The following ZHX3 variants were observed in gnomAD, a reference collection of about 807,000 sequenced individuals.
The protein encoded by ZHX3 is zinc fingers and homeoboxes protein 3.
A neutral mutation model predicts 64.5 loss-of-function variants in ZHX3; 20 were observed. That is an observed-to-expected ratio of 0.31 (90% CI 0.22 to 0.45). The LOEUF is 0.45. Ranked by LOEUF, ZHX3 falls within the 20% of genes least tolerant of loss-of-function variation. The probability of loss-of-function intolerance (pLI) is 1.00; values close to 1 mark genes in which losing one functional copy is unlikely to be tolerated. For synonymous variants in ZHX3, 423 were observed against 461.6 expected (o/e 0.92, Z 1.07); for missense variants, 1,041 against 1,195.8 (o/e 0.87, Z 1.91).
chr20:41,313,881 C>A (rs548264624), intron 1 of ZHX3, among the ~76,000 whole-genome samples: 1 of 152,298 alleles, frequency 6.6e-6, no homozygotes, highest in African/African-American at 2.4e-5. Flanking sequence ...CAGGCATGAG[C>A]CACCACGCCC....
chr20:41,183,794 C>T lies in ZHX3; in HGVS notation c.*1397G>A, dbSNP rs981103912. On this transcript the variant is annotated 3_prime_UTR_variant, in exon 4 of 4. Transcript: ENST00000683867. The surrounding 1 kb of genome is among the most constrained non-coding windows in gnomAD (Gnocchi z 5.3). ...TCTTTACCAGCTACTCTCAGAGCAA[C>T]CGGTCTTGGGGAAATTGAGGATTTA... is the stretch of plus-strand genomic sequence containing the variant. 2.0e-5 allele frequency: 3 copies of T among 152,204 alleles called. No individual in the cohort carries two copies. Among genetic ancestry groups the T allele is most frequent in the Non-Finnish European group, 2.9e-5 (2 of 68,036 alleles). The allele number at this position is 152,204 out of a possible 1,614,324, so 9.4% of individuals were successfully genotyped here.
chr20:41,304,465 T>C (rs1023631726), intron 1 of ZHX3, among the ~76,000 whole-genome samples: 2 of 152,178 alleles, frequency 1.3e-5, no homozygotes, highest in African/African-American at 4.8e-5. Context: ...ACAGCAAGCA[T>C]CTTGTTTACC....
chr20:41,238,121 T>C (rs964339990), intron 2 of ZHX3, among the ~76,000 whole-genome samples: 1 of 152,208 alleles, frequency 6.6e-6, no homozygotes, highest in African/African-American at 2.4e-5. Flanking sequence ...GGGTCAATCA[T>C]TATAAGCATT....
Position 41,221,883 on chromosome 20 carries a change from G to A in ZHX3, c.-150-16817C>T, listed in dbSNP as rs116859231. 4.4e-3 allele frequency among the ~76,000 whole-genome samples: 675 copies of A among 152,338 alleles called. 4 individuals carry two copies. The highest frequency in any genetic ancestry group is 5.6e-3 in the Non-Finnish European group (380 of 68,034). ...AAGGAGGCCAGCAGAGCTGGGCGGCGGTAGTAGAGAGACAGTAGTATGAGA... is the reference window on the plus strand; with the variant it reads ...AAGGAGGCCAGCAGAGCTGGGCGGCAGTAGTAGAGAGACAGTAGTATGAGA... On this transcript the variant is annotated intron_variant, in intron 2 of 3. Coordinates refer to ENST00000683867, the MANE Select transcript of ZHX3 (RefSeq NM_001384317.1).
At chr20:41,190,561 T>C (rs1413519645) in intron 3 of ZHX3, among the ~76,000 whole-genome samples, 2 of 152,224 alleles carry the variant, frequency 1.3e-5, no homozygotes, top group East Asian at 3.8e-4. Context: ...TTGTTTGGCA[T>C]TGTACTCTGG....
At chr20:41,309,629 CA>C (rs2045072800) in intron 1 of ZHX3, among the ~76,000 whole-genome samples, 1 of 152,208 alleles carries the variant, frequency 6.6e-6, no homozygotes, top group African/African-American at 2.4e-5. Context: ...CCTTCCAGGT[CA>C]CTACTTTTCC....
chr20:41,308,400 A>G (rs926656353), intron 1 of ZHX3, among the ~76,000 whole-genome samples: 1 of 152,218 alleles, frequency 6.6e-6, no homozygotes, highest in Non-Finnish European at 1.5e-5. Flanking sequence ...GCTATTCACC[A>G]GTTTGAAAGC....
chr20:41,242,600 C>T (rs2041453555), intron 2 of ZHX3, among the ~76,000 whole-genome samples: 1 of 152,122 alleles, frequency 6.6e-6, no homozygotes, highest in South Asian at 2.1e-4. Flanking sequence ...TGGCCTCTGA[C>T]CCATGATCTA....
At chr20:41,301,250 T>G (rs1600670138) in intron 1 of ZHX3, among the ~76,000 whole-genome samples, 1 of 152,042 alleles carries the variant, frequency 6.6e-6, no homozygotes, top group East Asian at 1.9e-4. Context: ...CCGACTACAC[T>G]CAATTTATAT....
chr20:41,206,326 T>A (rs2038707387), intron 2 of ZHX3, among the ~76,000 whole-genome samples: 1 of 152,206 alleles, frequency 6.6e-6, no homozygotes, highest in Non-Finnish European at 1.5e-5. Context: ...AGAAGAGGGC[T>A]TCAGACGATC....
In ZHX3 at chr20:41,226,158, G is replaced by A. The variant is rs2040254606; in HGVS notation, c.-150-21092C>T. ...CACACCTGTAATCCCAGCACTTTGG[G>A]AGGCCGAGGCGGGTGGATCATGAGG... On this transcript the variant is annotated intron_variant, in intron 2 of 3. Coordinates refer to ENST00000683867, the MANE Select transcript of ZHX3 (RefSeq NM_001384317.1). This position sits in a 1 kb window ranked among gnomAD's most constrained non-coding sequence, Gnocchi z 4.4. 6.6e-6 allele frequency among the ~76,000 whole-genome samples: 1 copy of A among 152,070 alleles called. No individual in the cohort carries two copies. The highest frequency in any genetic ancestry group is 6.5e-5 in the Admixed American group (1 of 15,274).
At chr20:41,272,019 C>T (rs2043171916) in intron 1 of ZHX3, 1 of 152,084 alleles carries the variant, frequency 6.6e-6, no homozygotes, top group African/African-American at 2.4e-5. Flanking sequence ...AAAAATTATT[C>T]CATCTCCAAA....
intron 2 of ZHX3, among the ~76,000 whole-genome samples, chr20:41,240,930 G>T (rs2041341111): frequency 6.6e-6 from 1 of 152,142 alleles, no homozygotes; most frequent in African/African-American, 2.4e-5. Context: ...GGGCACATAG[G>T]TTGCCTTCCA....
At chr20:41,256,009 A>G (rs968458821) in intron 2 of ZHX3, among the ~76,000 whole-genome samples, 1 of 152,252 alleles carries the variant, frequency 6.6e-6, no homozygotes, top group African/African-American at 2.4e-5. Flanking sequence ...ACCAAATGCT[A>G]CTTCAAAATT....
At chr20:41,253,676 C>A (rs2042098510) in intron 2 of ZHX3, among the ~76,000 whole-genome samples, 1 of 152,026 alleles carries the variant, frequency 6.6e-6, no homozygotes, top group Non-Finnish European at 1.5e-5. Flanking sequence ...AAAACCAGGT[C>A]CATATACAGT....
chr20:41,253,165 T>TA (rs1402755381), intron 2 of ZHX3, among the ~76,000 whole-genome samples: 1 of 152,094 alleles, frequency 6.6e-6, no homozygotes, highest in Non-Finnish European at 1.5e-5. Context: ...GCAAATACTT[T>TA]AGCGTATATT....
At chr20:41,275,163 AAAAAG>A (rs1450012304) in intron 1 of ZHX3, among the ~76,000 whole-genome samples, 3 of 152,230 alleles carry the variant, frequency 2.0e-5, no homozygotes, top group African/African-American at 7.2e-5. Flanking sequence ...CGTCTCAAAA[AAAAAG>A]AAAAGAAATA....
rs1228890128 is a variant in ZHX3 at position 41,204,437 on chromosome 20, G to A, written c.480C>T (p.Ser160=). Residue 160 remains serine, a synonymous_variant, in exon 3 of 4, where the codon AGC becomes AGT. Transcript: ENST00000683867. The surrounding 1 kb of genome is among the most constrained non-coding windows in gnomAD (Gnocchi z 6.6). ...VVEQSIPEST[S]TPDLAGEPSA... ...TGGGCTCACCCGCTAGGTCAGGAGT[G>A]CTGGTGCTCTCAGGGATGCTCTGCT... The A allele has an allele frequency of 3.7e-6, 6 of 1,614,082 alleles. No individual in the cohort carries two copies. Among genetic ancestry groups the A allele is most frequent in the Middle Eastern group, 1.6e-4 (1 of 6,084 alleles).
intron 3 of ZHX3, among the ~76,000 whole-genome samples, chr20:41,196,433 A>AAT (rs1261442279): frequency 1.8e-4 from 1 of 5,566 alleles, no homozygotes. Context: ...TATTTATATA[A>AAT]ATATATATAT....
Sources: allele counts gnomAD v4.1 joint callset (sites outside exome capture counted in the v4.1 genomes callset), GRCh38; gene constraint gnomAD v4.1.1; non-coding constraint Gnocchi (gnomAD v3.1); transcripts MANE v1.5; gene names NCBI Gene and HGNC (gene_info 2026-07-23, HGNC 2026-07-21).